Variants in SORCS1 observed in about 807,000 individuals in gnomAD.
SORCS1 encodes the protein VPS10 domain-containing receptor SorCS1.
In SORCS1, 60 loss-of-function variants were observed where a neutral mutation model predicts 146.1. The observed-to-expected ratio is 0.41, with a 90% CI of 0.33 to 0.51. SORCS1 has a LOEUF of 0.51. Among genes scored for constraint, SORCS1 ranks in the 20% least tolerant of loss-of-function variants. SORCS1 has a pLI of 0.21. For synonymous variants in SORCS1, 637 were observed against 584.0 expected (o/e 1.09, Z -1.31); for missense variants, 1,352 against 1,487.6 (o/e 0.91, Z 1.50).
chr10:106,702,475 C>T (rs1854204394), intron 8 of SORCS1, among the ~76,000 whole-genome samples: 1 of 152,200 alleles, frequency 6.6e-6, no homozygotes, highest in South Asian at 2.1e-4. Context: ...ATCACCTATA[C>T]CGGCCACTTC....
At chr10:106,616,678 A>G (rs974533566) in intron 21 of SORCS1, among the ~76,000 whole-genome samples, 3 of 152,174 alleles carry the variant, frequency 2.0e-5, no homozygotes, top group Admixed American at 2.0e-4. Context: ...GCCTTTCAGG[A>G]GGAAGGGAGA....
intron 1 of SORCS1, among the ~76,000 whole-genome samples, chr10:107,051,883 T>C (rs994844549): frequency 6.6e-6 from 1 of 152,162 alleles, no homozygotes; most frequent in African/African-American, 2.4e-5. Flanking sequence ...TCTTCCTGAC[T>C]TAAGGACTAA....
At chr10:107,001,184 G>A (rs1957200644) in intron 1 of SORCS1, among the ~76,000 whole-genome samples, 3 of 152,136 alleles carry the variant, frequency 2.0e-5, no homozygotes. Flanking sequence ...ATTTTTAAAC[G>A]TGTAGTTTGC....
At chr10:106,620,335 T>G (rs1325553699) in intron 20 of SORCS1, 93 bp downstream of exon 20, 1 of 1,508,778 alleles carries the variant, frequency 6.6e-7, no homozygotes, top group Non-Finnish European at 8.9e-7. Context: ...GCTTCTACAC[T>G]CTAGGGTTCA....
chr10:106,688,212 C>G lies in SORCS1; in HGVS notation c.1540G>C (p.Asp514His). 1 of 1,613,774 alleles carries G rather than the reference C, an allele frequency of 6.2e-7. No homozygotes were observed. The highest frequency in any genetic ancestry group is 8.5e-7 in the Non-Finnish European group (1 of 1,179,802). Residue 514 changes from aspartate to histidine, a missense_variant, in exon 10 of 26, where the codon GAC becomes CAC. Asp to His is a moderately conservative substitution (Grantham distance 81, BLOSUM62 -1). Transcript: ENST00000263054. ...LQAPDTDLRG[D>H]PVHCLLPYCS... Reference sequence around the variant, plus strand: ...CTCACCAGCAAGCAGTGCACGGGGTCCCCCCTTAGATCCGTGTCCGGCGCC... The same window carrying G: ...CTCACCAGCAAGCAGTGCACGGGGTGCCCCCTTAGATCCGTGTCCGGCGCC...
At chr10:106,761,726 TC>T in intron 4 of SORCS1, 65 bp from the exon 5 acceptor site, 2 of 1,324,444 alleles carry the variant, frequency 1.5e-6, no homozygotes, top group South Asian at 2.4e-5. Context: ...AAACATCAGT[TC>T]ATTGGATCAA....
intron 1 of SORCS1, among the ~76,000 whole-genome samples, chr10:107,093,804 C>T (rs921195352): frequency 6.6e-6 from 1 of 152,136 alleles, no homozygotes; most frequent in African/African-American, 2.4e-5. Context: ...CCTCTTCCAC[C>T]ATGATCTCTC....
intron 10 of SORCS1, among the ~76,000 whole-genome samples, chr10:106,680,262 C>A (rs1444787711): frequency 1.3e-5 from 2 of 152,022 alleles, no homozygotes; most frequent in Non-Finnish European, 1.5e-5. Context: ...GAAAAAGAAG[C>A]AGAAAAGCTG....
In SORCS1 at chr10:106,827,138, G is replaced by T. The variant is rs150256567; in HGVS notation, c.726+2436C>A. 5.2e-3 allele frequency among the ~76,000 whole-genome samples: 779 copies of T among 150,112 alleles called. 6 individuals carry two copies. The highest frequency in any genetic ancestry group is 0.018 in the African/African-American group (721 of 40,926). Reference sequence around the variant, plus strand: ...GTCCTGCTCCTGAAACAATCCTGGAGTTTCTGGATCATCACCATATATTCT... The same window carrying T: ...GTCCTGCTCCTGAAACAATCCTGGATTTTCTGGATCATCACCATATATTCT... On this transcript the variant is annotated intron_variant, in intron 3 of 25. Coordinates refer to ENST00000263054, the MANE Select transcript of SORCS1 (RefSeq NM_052918.5).
At chr10:107,106,283 C>T (rs539841835) in intron 1 of SORCS1, among the ~76,000 whole-genome samples, 44 of 152,260 alleles carry the variant, frequency 2.9e-4, no homozygotes, top group Admixed American at 1.8e-3. Flanking sequence ...AGTAATCATG[C>T]GATAAGTTAA....
intron 19 of SORCS1, among the ~76,000 whole-genome samples, chr10:106,623,025 C>T (rs1847854040): frequency 6.6e-6 from 1 of 152,168 alleles, no homozygotes; most frequent in Non-Finnish European, 1.5e-5. Flanking sequence ...TCCAGCAAGC[C>T]ATGTCCTGGT....
At chr10:107,004,779 T>C (rs1031104632) in intron 1 of SORCS1, among the ~76,000 whole-genome samples, 2 of 152,116 alleles carry the variant, frequency 1.3e-5, no homozygotes, top group Non-Finnish European at 2.9e-5. Flanking sequence ...ATTAAAAATA[T>C]AAAACTTTTC....
chr10:106,748,094 T>C (rs376050185), intron 5 of SORCS1, among the ~76,000 whole-genome samples: 27 of 152,328 alleles, frequency 1.8e-4, no homozygotes, highest in African/African-American at 5.8e-4. Context: ...TGTTCAAATG[T>C]TATACAGGCA....
intron 23 of SORCS1, among the ~76,000 whole-genome samples, chr10:106,602,512 A>AACACACACACACACACAC (rs66699179): frequency 0.01 from 1,446 of 138,790 alleles, 14 homozygotes; most frequent in African/African-American, 0.023. Context: ...ATTCCTTCAT[A>AACACACACACACACACAC]ACACACACAC....
At chr10:106,601,643 C>T (rs1846246151) in intron 23 of SORCS1, among the ~76,000 whole-genome samples, 1 of 152,126 alleles carries the variant, frequency 6.6e-6, no homozygotes, top group Admixed American at 6.5e-5. Context: ...GTGGGCAGGG[C>T]CTTCAATCAA....
chr10:106,967,069 T>C (rs1312754386), intron 1 of SORCS1, among the ~76,000 whole-genome samples: 1 of 151,734 alleles, frequency 6.6e-6, no homozygotes, highest in East Asian at 1.9e-4. Context: ...CATTTAACCT[T>C]TGACAGGTTC....
intron 5 of SORCS1, among the ~76,000 whole-genome samples, chr10:106,738,676 C>T (rs2756251): frequency 0.77 from 117,918 of 152,170 alleles, 46,747 homozygotes; most frequent in Non-Finnish European, 0.87. Context: ...GAACTTCAGA[C>T]TAGAGGGTAG....
chr10:106,771,218 GT>G (rs72204097), intron 4 of SORCS1, among the ~76,000 whole-genome samples: 22,557 of 147,610 alleles, frequency 0.15, 1,747 homozygotes, highest in East Asian at 0.22. Context: ...CTTCTCTCCT[GT>G]TTTTTTTTTT....
intron 22 of SORCS1, among the ~76,000 whole-genome samples, chr10:106,609,206 C>G (rs1191846273): frequency 1.3e-5 from 2 of 152,190 alleles, no homozygotes; most frequent in African/African-American, 4.8e-5. Context: ...TCTCCAGACA[C>G]TGACAAACAA....
Sources: gnomAD v4.1 joint callset for allele counts (sites outside exome capture counted in the v4.1 genomes callset) on GRCh38, gnomAD v4.1.1 for gene constraint, MANE v1.5 for transcripts, NCBI Gene and HGNC (gene_info 2026-07-23, HGNC 2026-07-21) for gene names.